Variants in KDM2A observed in about 807,000 individuals in gnomAD.
The protein encoded by KDM2A is lysine-specific demethylase 2A.
KDM2A carries 3 observed loss-of-function variants against 137.3 expected under a neutral mutation model. The ratio of observed to expected loss-of-function variants is 0.02; its 90% CI spans 0.01 to 0.06. The LOEUF (loss-of-function observed/expected upper bound fraction) is 0.06, where lower values mean the gene tolerates loss of function less well. KDM2A is among the 10% of genes least tolerant of loss of function. The pLI, the probability that KDM2A is intolerant of heterozygous loss-of-function variation, is 1.00. For synonymous variants in KDM2A, 512 were observed against 541.5 expected (o/e 0.95, Z 0.76); for missense variants, 738 against 1,510.6 (o/e 0.49, Z 8.48).
chr11:67,242,303 TGA>T (rs989042731), intron 12 of KDM2A, among the ~76,000 whole-genome samples: 20 of 71,322 alleles, frequency 2.8e-4, no homozygotes, highest in Middle Eastern at 8.2e-3. Context: ...TGTGTGTGTG[TGA>T]GAGAGAGAGA....
intron 2 of KDM2A, among the ~76,000 whole-genome samples, chr11:67,129,699 A>G (rs1347687901): frequency 1.4e-5 from 2 of 147,238 alleles, no homozygotes; most frequent in Non-Finnish European, 3.0e-5. Flanking sequence ...ACGCCACTGC[A>G]CTCCAGTCTG....
At chr11:67,144,297 G>C (rs921753262) in intron 2 of KDM2A, among the ~76,000 whole-genome samples, 17 of 148,632 alleles carry the variant, frequency 1.1e-4, no homozygotes, top group Admixed American at 4.0e-4. Flanking sequence ...TTGTTGCCCA[G>C]GCTGGAGTGC....
At chr11:67,131,846 ATTGCACTTGATCTG>A (rs1275626940) in intron 2 of KDM2A, 1 of 152,112 alleles carries the variant, frequency 6.6e-6, no homozygotes, top group Non-Finnish European at 1.5e-5. Context: ...CTTTGAACTT[ATTGCACTTGATCTG>A]TTAAAACGGC....
intron 5 of KDM2A, among the ~76,000 whole-genome samples, chr11:67,201,611 T>A (rs1394625581): frequency 6.6e-6 from 1 of 150,838 alleles, no homozygotes; most frequent in Non-Finnish European, 1.5e-5. Context: ...CTACTAAACA[T>A]ACAAAAATTA....
At chr11:67,223,232 C>G (rs1316013390) in intron 10 of KDM2A, among the ~76,000 whole-genome samples, 2 of 151,652 alleles carry the variant, frequency 1.3e-5, no homozygotes, top group African/African-American at 4.8e-5. Flanking sequence ...AAATGCTAAC[C>G]CAGTCTTAGA....
intron 12 of KDM2A, among the ~76,000 whole-genome samples, chr11:67,234,253 A>C (rs1858803361): frequency 6.6e-6 from 1 of 152,358 alleles, no homozygotes; most frequent in East Asian, 1.9e-4. Context: ...GAATCACTGC[A>C]CAGCTGGGGA....
intron 15 of KDM2A, among the ~76,000 whole-genome samples, chr11:67,247,059 A>ATTT (rs1565424103): frequency 4.4e-5 from 1 of 22,526 alleles, no homozygotes; most frequent in African/African-American, 1.9e-4. Context: ...ATATATATAT[A>ATTT]TATATATATA....
chr11:67,121,874 G>A (rs568627952), intron 2 of KDM2A, among the ~76,000 whole-genome samples: 1 of 152,278 alleles, frequency 6.6e-6, no homozygotes, highest in East Asian at 1.9e-4. Flanking sequence ...AGACAAGTAG[G>A]TAGAATACTG....
chr11:67,180,024 G>T, intron 2 of KDM2A, 55 bp from the exon 3 acceptor site: 1 of 1,564,816 alleles, frequency 6.4e-7, no homozygotes, highest in Non-Finnish European at 8.7e-7. Context: ...ATGACCACTT[G>T]TAGGTAGGCA....
At chr11:67,203,637 C>CATGCA (rs1857714813) in intron 5 of KDM2A, among the ~76,000 whole-genome samples, 1 of 151,100 alleles carries the variant, frequency 6.6e-6, no homozygotes, top group South Asian at 2.1e-4. Context: ...CACTGTAGTC[C>CATGCA]CAGCTACTCA....
rs554495092 is a variant in KDM2A, at chr11:67,257,131, A to C, written c.*2076A>C. On this transcript the variant is annotated 3_prime_UTR_variant, in exon 21 of 21. Coordinates refer to ENST00000529006, the MANE Select transcript of KDM2A (RefSeq NM_012308.3). Reference sequence around the variant, plus strand: ...TGTCTTTTTATAAAAGGGGAGGTGGAGAGACCCCTTCAGAGCAGGGATTGT... The same window carrying C: ...TGTCTTTTTATAAAAGGGGAGGTGGCGAGACCCCTTCAGAGCAGGGATTGT... 3.3e-5 allele frequency: 5 copies of C among 152,368 alleles called. No individual in the cohort carries two copies. The highest frequency in any genetic ancestry group is 1.2e-4 in the African/African-American group (5 of 41,570). The allele number at this position is 152,368 out of a possible 1,614,324, so 9.4% of individuals were successfully genotyped here.
In KDM2A at chr11:67,240,072, A is replaced by C. The variant is rs1858982268; in HGVS notation, c.1480-2937A>C. The C allele has an allele frequency of 7.5e-6, 10 of 1,337,022 alleles. No individual in the cohort carries two copies. In the South Asian group the frequency reaches 1.3e-4, roughly 17 times the overall value. 82.8% of individuals were successfully genotyped at this position (1,337,022 alleles called of 1,614,324 possible). A position where few individuals can be genotyped will look rare whatever the true frequency, so the allele number is the denominator to read the frequency against. On this transcript the variant is annotated intron_variant, in intron 12 of 20. Coordinates refer to ENST00000529006, the MANE Select transcript of KDM2A (RefSeq NM_012308.3). Reference sequence around the variant, plus strand: ...GTTGCAAAGCATTTCTGGGAGCTGCATGTGGGTGACGCAGCAGCATTGTTC... The same window carrying C: ...GTTGCAAAGCATTTCTGGGAGCTGCCTGTGGGTGACGCAGCAGCATTGTTC...
chr11:67,254,067 G>T lies in KDM2A; in HGVS notation c.3092-136G>T, dbSNP rs551104025. ...TACACCCAGTGCTCACACCCTGAAG[G>T]CATGGCTGGGTGTGGGCAGTTCTAC... On this transcript the variant is annotated intron_variant, in intron 19 of 20. Coordinates refer to ENST00000529006, the MANE Select transcript of KDM2A (RefSeq NM_012308.3). This position sits in a 1 kb window ranked among gnomAD's most constrained non-coding sequence, Gnocchi z 4.7. 538 of 678,392 alleles carry T rather than the reference G, an allele frequency of 7.9e-4. No individual in the cohort carries two copies. Among genetic ancestry groups the T allele is most frequent in the Non-Finnish European group, 1.2e-3 (484 of 404,968 alleles). The allele number at this position is 678,392 out of a possible 1,614,324, so 42.0% of individuals were successfully genotyped here. A position where few individuals can be genotyped will look rare whatever the true frequency, so the allele number is the denominator to read the frequency against.
chr11:67,142,238 T>C lies in KDM2A; in HGVS notation c.42+20880T>C, dbSNP rs909038697. The stretch of plus-strand genomic sequence containing the variant: ...TTTTAGTAGAGGTGGGGTTTGACCA[T>C]GTTGGTCAGGCTGGTCTCAAACTCT... On this transcript the variant is annotated intron_variant, in intron 2 of 20. Coordinates refer to ENST00000529006, the MANE Select transcript of KDM2A (RefSeq NM_012308.3). 5.9e-5 allele frequency among the ~76,000 whole-genome samples: 9 copies of C among 151,930 alleles called. No homozygotes were observed. The South Asian group carries it at 1.9e-3, about 32-fold the overall frequency.
rs1167000010 is a variant in KDM2A at position 67,250,506 on chromosome 11, T to C, written c.2476T>C (p.Ser826Pro). Reference protein sequence around the residue: ...VPKLQAITASSANLRHSPRVL... With the variant: ...VPKLQAITASPANLRHSPRVL... The stretch of plus-strand genomic sequence containing the variant: ...CAAGCTGCAGGCCATCACGGCCTCC[T>C]CTGCCAACCTTCGCCATTCCCCCCG... The change falls in exon 17 of 21, where the codon TCT becomes CCT. Residue 826 changes from serine to proline, a missense_variant. Ser to Pro is a moderately conservative substitution (Grantham distance 74). Transcript: ENST00000529006. The surrounding 1 kb of genome is among the most constrained non-coding windows in gnomAD (Gnocchi z 7.1). The C allele has an allele frequency of 6.2e-7, 1 of 1,614,028 alleles. No individual in the cohort carries two copies. The highest frequency in any genetic ancestry group is 1.7e-5 in the Admixed American group (1 of 60,022).
At chr11:67,222,007 GAA>G (rs911647820) in intron 10 of KDM2A, among the ~76,000 whole-genome samples, 1 of 131,516 alleles carries the variant, frequency 7.6e-6, no homozygotes, top group Non-Finnish European at 1.6e-5. Context: ...TGTTTCAAAA[GAA>G]AAAAAATGTA....
At chr11:67,211,067 A>G (rs893572852) in intron 6 of KDM2A, among the ~76,000 whole-genome samples, 4 of 152,102 alleles carry the variant, frequency 2.6e-5, no homozygotes, top group African/African-American at 9.7e-5. Context: ...AAAACAAACA[A>G]ACAAACAAAA....
intron 16 of KDM2A, 112 bp downstream of exon 16, chr11:67,248,482 G>C: frequency 1.5e-6 from 1 of 669,492 alleles, no homozygotes; most frequent in African/African-American, 1.8e-5. Flanking sequence ...TGACCTAGGA[G>C]ATTATTTTTG....
chr11:67,160,725 A>G (rs1211638705), intron 2 of KDM2A, among the ~76,000 whole-genome samples: 1 of 152,140 alleles, frequency 6.6e-6, no homozygotes, highest in Non-Finnish European at 1.5e-5. Context: ...GAGCCAAGAT[A>G]GTGCCATTGC....
Sources: gnomAD v4.1 joint callset for allele counts (sites outside exome capture counted in the v4.1 genomes callset) on GRCh38, gnomAD v4.1.1 for gene constraint, Gnocchi (gnomAD v3.1) non-coding constraint, MANE v1.5 for transcripts, NCBI Gene and HGNC (gene_info 2026-07-23, HGNC 2026-07-21) for gene names.